Variants in SCAF11 observed in about 807,000 individuals in gnomAD.
The protein encoded by SCAF11 is protein SCAF11.
SCAF11 carries 47 observed loss-of-function variants against 140.5 expected under a neutral mutation model. The ratio of observed to expected loss-of-function variants is 0.33; its 90% CI spans 0.26 to 0.43. The LOEUF (loss-of-function observed/expected upper bound fraction) is 0.43, where lower values mean the gene tolerates loss of function less well. SCAF11 is among the 20% of genes least tolerant of loss of function. The pLI is 1.00. For synonymous variants in SCAF11, 557 were observed against 579.4 expected, an observed-to-expected ratio of 0.96 and a Z score of 0.55; for missense variants, 1,645 against 1,705.1, an observed-to-expected ratio of 0.96 and a Z score of 0.62.
At chr12:45,923,586 A>G (rs1320140808) in intron 12 of SCAF11, among the ~76,000 whole-genome samples, 1 of 152,156 alleles carries the variant, frequency 6.6e-6, no homozygotes, top group Admixed American at 6.5e-5. Context: ...AGTTGACAGG[A>G]GAAAAAGATT....
chr12:45,961,680 C>T lies in SCAF11; in HGVS notation c.219+20G>A, dbSNP rs771288903. 6.3e-7 allele frequency: 1 copy of T among 1,584,142 alleles called. No homozygotes were observed. ...GAAATCATGCTAGGAAATTAAAATACATTAATGTGTCAGACTTACCTCTGC... is the reference window on the plus strand; with the variant it reads ...GAAATCATGCTAGGAAATTAAAATATATTAATGTGTCAGACTTACCTCTGC... On this transcript the variant is annotated intron_variant, in intron 3 of 14. Coordinates refer to ENST00000369367, the MANE Select transcript of SCAF11 (RefSeq NM_004719.3).
chr12:45,927,272 T>A lies in SCAF11; in HGVS notation c.2429A>T (p.Glu810Val). 6.2e-7 allele frequency: 1 copy of A among 1,613,848 alleles called. No individual in the cohort carries two copies. The highest frequency in any genetic ancestry group is 2.2e-5 in the East Asian group (1 of 44,882). Reference sequence around the variant, plus strand: ...AGATGGAGACTGGGGCCGCTTCTTTTCTTGTGGAGTGTCTTTGTTGGGTGA... The same window carrying A: ...AGATGGAGACTGGGGCCGCTTCTTTACTTGTGGAGTGTCTTTGTTGGGTGA... ...TWSPNKDTPQ[E>V]KKRPQSPSPR... Residue 810 changes from glutamate (E) to valine (V), a missense_variant, in exon 11 of 15, where the codon GAA becomes GTA. Around this residue, in one of 2 missense-constraint regions of SCAF11, gnomAD observed 1,582 missense variants for 1,609.2 expected, o/e 0.98. Coordinates refer to ENST00000369367, the MANE Select transcript of SCAF11 (RefSeq NM_004719.3).
chr12:45,927,366 C>G lies in SCAF11; in HGVS notation c.2335G>C (p.Asp779His), dbSNP rs774347044. The G allele has an allele frequency of 1.2e-6, 2 of 1,613,682 alleles. No individual in the cohort carries two copies. The highest frequency in any genetic ancestry group is 1.7e-6 in the Non-Finnish European group (2 of 1,179,930). Residue 779 changes from aspartate (D) to histidine (H), a missense_variant, in exon 11 of 15, where the codon GAT (aspartate) becomes CAT (histidine). By Grantham distance (81) the Asp-to-His change is moderately conservative. Transcript: ENST00000369367. ...GGCTTTTTGGTTTTATCTATGGTAT[C>G]TTTTGGGCTTTCAGATGGTTGAGAA... is the stretch of plus-strand genomic sequence containing the variant. ...TVSQPSESPKDTIDKTKKPRT... is the reference protein window; with the variant it reads ...TVSQPSESPKHTIDKTKKPRT...
intron 6 of SCAF11, among the ~76,000 whole-genome samples, chr12:45,941,185 T>C (rs1945292186): frequency 1.3e-5 from 2 of 152,148 alleles, no homozygotes; most frequent in African/African-American, 2.4e-5. Flanking sequence ...GTAGATCTTA[T>C]TTGTACATGA....
chr12:45,974,271 G>C, intron 1 of SCAF11: 1 of 467,900 alleles, frequency 2.1e-6, no homozygotes, highest in Non-Finnish European at 4.4e-6. Context: ...GTCTTGCTTT[G>C]ATGTTGATGG....
At chr12:45,961,895 T>A in intron 2 of SCAF11, 38 bp from the exon 3 acceptor site, 1 of 1,537,606 alleles carries the variant, frequency 6.5e-7, no homozygotes, top group Non-Finnish European at 8.8e-7. Flanking sequence ...TTTCAAGTTC[T>A]CCAGACCAAA....
intron 1 of SCAF11, among the ~76,000 whole-genome samples, chr12:45,972,945 T>TAG (rs1555171452): frequency 0.38 from 37,333 of 99,134 alleles, 9,080 homozygotes; most frequent in South Asian, 0.47. Context: ...TATAGATATA[T>TAG]ATATAGATAT....
chr12:45,924,783 G>T lies in SCAF11; in HGVS notation c.3851C>A (p.Pro1284Gln), dbSNP rs757494322. 6 of 1,612,304 alleles carry T rather than the reference G, an allele frequency of 3.7e-6. No individual in the cohort carries two copies. In the Admixed American group the frequency reaches 6.7e-5, roughly 18 times the overall value. ...QGLPPPPPPPPPSQQVNYIAS... is the reference protein window; with the variant it reads ...QGLPPPPPPPQPSQQVNYIAS... ...AATGTAGTTGACTTGTTGGGATGGT[G>T]GGGGAGGGGGTGGTGGTGGTGGTAG... Residue 1284 changes from proline to glutamine, a missense_variant, in exon 12 of 15, where the codon CCA becomes CAA. Physicochemically the swap from Pro to Gln is moderately conservative, Grantham distance 76. Transcript: ENST00000369367.
intron 3 of SCAF11, chr12:45,961,495 A>T: frequency 1.7e-6 from 1 of 582,506 alleles, no homozygotes; most frequent in South Asian, 2.5e-5. Context: ...AAAAGTATGC[A>T]TTTAAAATAT....
chr12:45,940,982 T>G (rs1369102451), intron 6 of SCAF11, among the ~76,000 whole-genome samples: 2 of 152,122 alleles, frequency 1.3e-5, no homozygotes, highest in Non-Finnish European at 2.9e-5. Flanking sequence ...TTTTTGTATT[T>G]TTTGTAGAGG....
At chr12:45,956,195 TAGAGAGAG>T in intron 3 of SCAF11, 3 of 715,846 alleles carry the variant, frequency 4.2e-6, no homozygotes, top group South Asian at 3.0e-5. Flanking sequence ...TAGCTCCTCT[TAGAGAGAG>T]AGAAACAAGT....
chr12:45,920,450 C>T lies in SCAF11; in HGVS notation c.*1598G>A, dbSNP rs1352704819. The T allele has an allele frequency of 6.6e-6, 1 of 152,404 alleles. No homozygotes were observed. Among genetic ancestry groups the T allele is most frequent in the African/African-American group, 2.4e-5 (1 of 41,428 alleles). 9.4% of individuals were successfully genotyped at this position (152,404 alleles called of 1,614,324 possible). Reference sequence around the variant, plus strand: ...TGGATCTATTAACTTATCTGAAGAACTTTCCAGGTACTTGGTATGTACTGA... The same window carrying T: ...TGGATCTATTAACTTATCTGAAGAATTTTCCAGGTACTTGGTATGTACTGA... On this transcript the variant is annotated 3_prime_UTR_variant, in exon 15 of 15. Transcript: ENST00000369367.
chr12:45,963,528 A>G (rs1945871572), intron 2 of SCAF11, among the ~76,000 whole-genome samples: 1 of 152,198 alleles, frequency 6.6e-6, no homozygotes, highest in Admixed American at 6.5e-5. Flanking sequence ...AGTGGATAAA[A>G]TAGATTAAAA....
chr12:45,986,686 G>A lies in SCAF11; in HGVS notation c.-22+3667C>T, dbSNP rs898766628. ...TGAATTGTATTCCCATAATTCCCAC[G>A]TGTTGTGGGAGCAACCTGTTGGGAG... On this transcript the variant is annotated intron_variant, in intron 1 of 14. Transcript: ENST00000369367. 3.9e-5 allele frequency among the ~76,000 whole-genome samples: 6 copies of A among 152,056 alleles called. No individual in the cohort carries two copies. In the South Asian group the frequency reaches 6.2e-4, roughly 16 times the overall value.
In SCAF11 at chr12:45,972,963, T is replaced by G. The variant is rs866762145; in HGVS notation, c.-21-8775A>C. 2.5e-4 allele frequency among the ~76,000 whole-genome samples: 32 copies of G among 129,420 alleles called. 1 individual carries two copies. The highest frequency in any genetic ancestry group is 1.2e-3 in the East Asian group (6 of 4,904). 84.9% of individuals were successfully genotyped at this position (129,420 alleles called of 152,430 possible). A position where few individuals can be genotyped will look rare whatever the true frequency, so the allele number is the denominator to read the frequency against. ...AGATATATATATAGATATATAGATA[T>G]ATATATAGATATATAGATATATAGA... On this transcript the variant is annotated intron_variant, in intron 1 of 14. Transcript: ENST00000369367.
intron 1 of SCAF11, among the ~76,000 whole-genome samples, chr12:45,982,344 C>G (rs1310285919): frequency 6.6e-6 from 1 of 152,122 alleles, no homozygotes; most frequent in African/African-American, 2.4e-5. Flanking sequence ...TAACAGCTTA[C>G]AGAATCATTC....
chr12:45,986,377 T>A (rs1393902364), intron 1 of SCAF11, among the ~76,000 whole-genome samples: 3 of 152,140 alleles, frequency 2.0e-5, no homozygotes, highest in African/African-American at 7.2e-5. Context: ...ATCTATTAAC[T>A]AAGGCCTGCT....
At chr12:45,950,932 T>G (rs11574964) in intron 4 of SCAF11, among the ~76,000 whole-genome samples, 7,442 of 152,220 alleles carry the variant, frequency 0.049, 592 homozygotes, top group East Asian at 0.32. Context: ...ACTCTCATTT[T>G]TAGCTATTTT....
At chr12:45,972,923 TATATAGATATATATAGATATATATATAG>T (rs1565688983) in intron 1 of SCAF11, among the ~76,000 whole-genome samples, 3 of 79,346 alleles carry the variant, frequency 3.8e-5, no homozygotes, top group Non-Finnish European at 7.5e-5. Flanking sequence ...TATATATAGA[TATATAGATATATATAGATATATATATAG>T]ATATATAGAT....
Sources: gnomAD v4.1 joint callset for allele counts (sites outside exome capture counted in the v4.1 genomes callset) on GRCh38, gnomAD v4.1.1 for gene constraint, gnomAD v4.1.1 regional missense constraint, MANE v1.5 for transcripts, NCBI Gene and HGNC (gene_info 2026-07-23, HGNC 2026-07-21) for gene names.